The following VNN2 variants were observed in gnomAD, a reference collection of about 807,000 sequenced individuals.
VNN2 encodes vanin 2.
A neutral mutation model predicts 43.0 loss-of-function variants in VNN2; 43 were observed. The ratio of observed to expected loss-of-function variants is 1.00; its 90% confidence interval spans 0.78 to 1.29. The LOEUF (loss-of-function observed/expected upper bound fraction) is 1.29. VNN2 is among the 50% of genes most tolerant of loss of function. The pLI is 0.00. For missense variants in VNN2, 652 were observed against 619.7 expected, an observed-to-expected ratio of 1.05 and a Z score of -0.55; for synonymous variants, 230 against 224.3, an observed-to-expected ratio of 1.03 and a Z score of -0.23.
Position 132,751,299 on chromosome 6 carries a change from G to A in VNN2, c.1046C>T (p.Thr349Ile), listed in dbSNP as rs752529940. Residue 349 changes from threonine (T) to isoleucine (I), a missense_variant, in exon 5 of 7, where the codon ACA (threonine) becomes ATA (isoleucine). By Grantham distance (89) the Thr-to-Ile change is moderately conservative. Transcript: ENST00000326499. ...GTTTCCTGCATTTTCAAAAAGTTCT[G>A]TGAAGTTGAACCCATCCCTGGAAAT... ...GFISRDGFNF[T>I]ELFENAGNLT... The A allele has an allele frequency of 3.1e-6, 5 of 1,614,040 alleles. No homozygotes were observed. In the African/African-American group the frequency reaches 4.0e-5, roughly 13 times the overall value.
intron 6 of VNN2, 139 bp from the exon 7 acceptor site, chr6:132,744,630 C>G: frequency 1.3e-6 from 1 of 782,400 alleles, no homozygotes; most frequent in Non-Finnish European, 1.9e-6. Flanking sequence ...GTAGGCCAGG[C>G]AGGGGACAGC....
chr6:132,748,295 T>C (rs570193960), intron 6 of VNN2, among the ~76,000 whole-genome samples: 1 of 152,340 alleles, frequency 6.6e-6, no homozygotes, highest in Admixed American at 6.5e-5. Flanking sequence ...CTTCAGCTTT[T>C]ATTCCAGCCT....
chr6:132,755,222 C>CT (rs537312085), intron 3 of VNN2, among the ~76,000 whole-genome samples: 75 of 149,556 alleles, frequency 5.0e-4, no homozygotes, highest in African/African-American at 1.8e-3. Flanking sequence ...ACCTTAGTAT[C>CT]TTTTTTTATG....
intron 6 of VNN2, among the ~76,000 whole-genome samples, chr6:132,745,459 T>C (rs555160751): frequency 6.6e-6 from 1 of 152,278 alleles, no homozygotes; most frequent in East Asian, 1.9e-4. Context: ...CAAATGGTCC[T>C]CCCAACTCAG....
At chr6:132,748,673 G>A (rs141420445) in intron 6 of VNN2, among the ~76,000 whole-genome samples, 1 of 152,340 alleles carries the variant, frequency 6.6e-6, no homozygotes, top group East Asian at 1.9e-4. Flanking sequence ...ATGTGCATGT[G>A]TGCAAGTGTT....
In VNN2 at chr6:132,755,878, T is replaced by C. The variant is rs1394546696; in HGVS notation, c.502A>G (p.Asn168Asp). The C allele has an allele frequency of 3.0e-5, 48 of 1,613,858 alleles. No homozygotes were observed. Among genetic ancestry groups the C allele is most frequent in the Non-Finnish European group, 4.1e-5 (48 of 1,179,972 alleles). Residue 168 changes from asparagine to aspartate, a missense_variant, in exon 3 of 7, where the codon AAT becomes GAT. By Grantham distance (23) the Asn-to-Asp change is conservative. Coordinates refer to ENST00000326499, the MANE Select transcript of VNN2 (RefSeq NM_004665.6). The stretch of plus-strand genomic sequence containing the variant: ...CGTGCCACGAGTTTTCCTTCTGTAT[T>C]ATACACCACATTGGTATTGTATTGA... The part of the protein sequence containing the change: ...YFQYNTNVVY[N>D]TEGKLVARYH...
At chr6:132,748,913 A>T (rs543562105) in intron 6 of VNN2, among the ~76,000 whole-genome samples, 1 of 152,318 alleles carries the variant, frequency 6.6e-6, no homozygotes, top group East Asian at 1.9e-4. Flanking sequence ...CCTGGGTGAC[A>T]GAGCAAGACT....
At position 132,744,336 on chromosome 6, in the gene VNN2, T is replaced by C. The variant is rs774294453; in HGVS notation, c.1527A>G (p.Leu509=). 8 of 1,612,926 alleles carry C rather than the reference T, an allele frequency of 5.0e-6. No individual in the cohort carries two copies. The highest frequency in any genetic ancestry group is 1.6e-4 in the Middle Eastern group (1 of 6,082). ...CAATATTTTGCAAAGCTATGATCAT[T>C]AATAATATGAATATTAGCAGGTAAG... is the stretch of plus-strand genomic sequence containing the variant. The part of the protein sequence containing the change: ...AITYLLIFIL[L]MIIALQNIVM... The change falls in exon 7 of 7, where the codon TTA becomes TTG. Residue 509 remains leucine, a synonymous_variant. Coordinates refer to ENST00000326499, the MANE Select transcript of VNN2 (RefSeq NM_004665.6).
At position 132,744,607 on chromosome 6, in the gene VNN2, G is replaced by A. The variant is rs537205573; in HGVS notation, c.1372-116C>T. On this transcript the variant is annotated intron_variant, in intron 6 of 6. Coordinates refer to ENST00000326499, the MANE Select transcript of VNN2 (RefSeq NM_004665.6). ...TATAGTCAAATCATTTCTGATTTAG[G>A]AGGATGCAGCAAGTAGGCCAGGCAG... The A allele has an allele frequency of 2.8e-6, 3 of 1,083,462 alleles. No individual in the cohort carries two copies. The South Asian group carries it at 6.6e-5, about 24-fold the overall frequency. 67.1% of individuals were successfully genotyped at this position (1,083,462 alleles called of 1,614,324 possible). A position where few individuals can be genotyped will look rare whatever the true frequency, so the allele number is the denominator to read the frequency against.
At chr6:132,747,442 C>A (rs34925225) in intron 6 of VNN2, among the ~76,000 whole-genome samples, 3,403 of 151,942 alleles carry the variant, frequency 0.022, 120 homozygotes, top group African/African-American at 0.075. Flanking sequence ...TATGGTGAAA[C>A]CCCATCTCCA....
rs1780430477 is a variant in VNN2, at chr6:132,755,838, CTT to C, written c.537+3_537+4del. 6.2e-7 allele frequency: 1 copy of C among 1,608,658 alleles called. No individual in the cohort carries two copies. The highest frequency in any genetic ancestry group is 8.5e-7 in the Non-Finnish European group (1 of 1,176,840). On this transcript the variant is annotated splice_donor_region_variant and intron_variant, in intron 3 of 6. Coordinates refer to ENST00000326499, the MANE Select transcript of VNN2 (RefSeq NM_004665.6). ...CCATTTTACACGTCCGTCACTCTCT[CTT>C]ACCTTATGGTAACGTGCCACGAGTT... is the stretch of plus-strand genomic sequence containing the variant.
intron 2 of VNN2, 37 bp downstream of exon 2, chr6:132,757,379 G>A: frequency 6.4e-7 from 1 of 1,561,764 alleles, no homozygotes; most frequent in Non-Finnish European, 8.7e-7. Context: ...ATTTTAGAGA[G>A]TTACTTTTGC....
In VNN2 at chr6:132,744,297, G is replaced by A. The variant is rs375812861; in HGVS notation, c.*3C>T. ...TGCAGAAGCTGAGTGATAAAGAGAC[G>A]CCCTATAACATTACAATATTTTGCA... On this transcript the variant is annotated 3_prime_UTR_variant, in exon 7 of 7. Transcript: ENST00000326499. The A allele has an allele frequency of 1.3e-5, 20 of 1,599,322 alleles. No individual in the cohort carries two copies. Among genetic ancestry groups the A allele is most frequent in the East Asian group, 1.1e-4 (5 of 44,294 alleles).
chr6:132,758,039 C>CTTCTTCTTCTT (rs1488070973), upstream of VNN2: 21 of 164,998 alleles, frequency 1.3e-4, no homozygotes, highest in South Asian at 2.8e-4. Context: ...TCTTCTTCTT[C>CTTCTTCTTCTT]TTTTTTTTTT....
chr6:132,759,970 T>C (rs1472978387), upstream of VNN2, among the ~76,000 whole-genome samples: 1 of 152,116 alleles, frequency 6.6e-6, no homozygotes, highest in African/African-American at 2.4e-5. Flanking sequence ...CTGTTAGAGT[T>C]TAGAAATCAT....
At position 132,744,104 on chromosome 6, in the gene VNN2, A is replaced by C; in HGVS notation, c.*196T>G. On this transcript the variant is annotated 3_prime_UTR_variant, in exon 7 of 7. Transcript: ENST00000326499. The stretch of plus-strand genomic sequence containing the variant: ...GGCTCTTTCCATTGTTCCACACTGC[A>C]ACATTTCAGAGTAGCCAAAAAAATG... 2.2e-6 allele frequency: 1 copy of C among 456,976 alleles called. No homozygotes were observed. Among genetic ancestry groups the C allele is most frequent in the Non-Finnish European group, 3.7e-6 (1 of 268,460 alleles). 28.3% of individuals were successfully genotyped at this position (456,976 alleles called of 1,614,324 possible). A position where few individuals can be genotyped will look rare whatever the true frequency, so the allele number is the denominator to read the frequency against.
chr6:132,761,446 G>A (rs1456453934), upstream of VNN2, among the ~76,000 whole-genome samples: 4 of 151,444 alleles, frequency 2.6e-5, no homozygotes, highest in African/African-American at 9.7e-5. Context: ...AATTATTTGA[G>A]GTCAGGAGTT....
In VNN2 at chr6:132,755,823, C is replaced by T. The variant is rs780916797; in HGVS notation, c.537+20G>A. On this transcript the variant is annotated intron_variant, in intron 3 of 6. Transcript: ENST00000326499. ...CACTCACAACACGCTCCATTTTACA[C>T]GTCCGTCACTCTCTCTTACCTTATG... is the stretch of plus-strand genomic sequence containing the variant. The T allele has an allele frequency of 1.6e-5, 25 of 1,589,426 alleles. No homozygotes were observed. Among genetic ancestry groups the T allele is most frequent in the East Asian group, 1.3e-4 (6 of 44,560 alleles).
At chr6:132,757,129 C>G (rs569837108) in intron 2 of VNN2, among the ~76,000 whole-genome samples, 2 of 152,190 alleles carry the variant, frequency 1.3e-5, no homozygotes, top group Non-Finnish European at 2.9e-5. Context: ...CCACTGTCTA[C>G]TTCAGAAATT....
Sources: allele counts gnomAD v4.1 joint callset (sites outside exome capture counted in the v4.1 genomes callset), GRCh38; gene constraint gnomAD v4.1.1; transcripts MANE v1.5; gene names NCBI Gene and HGNC (gene_info 2026-07-23, HGNC 2026-07-21).